THSD7A: variants seen among roughly 807,000 people sequenced by gnomAD.
The protein encoded by THSD7A is thrombospondin type-1 domain-containing protein 7A.
Under a neutral mutation model 231.3 loss-of-function variants are expected in THSD7A, and 96 were observed. The ratio of observed to expected loss-of-function variants is 0.41; its 90% CI spans 0.35 to 0.49. The LOEUF is 0.49. Among genes scored for constraint, THSD7A ranks in the 20% least tolerant of loss-of-function variants. THSD7A has a pLI of 0.05. For synonymous variants in THSD7A, 940 were observed against 743.3 expected, an observed-to-expected ratio of 1.26 and a Z score of -4.30; for missense variants, 2,290 against 2,070.2, an observed-to-expected ratio of 1.11 and a Z score of -2.06.
intron 1 of THSD7A, among the ~76,000 whole-genome samples, chr7:11,678,089 T>C (rs1452666666): frequency 1.3e-5 from 2 of 152,176 alleles, no homozygotes; most frequent in Non-Finnish European, 2.9e-5. Context: ...TGCTCCTGAA[T>C]GACTACTGGG....
intron 17 of THSD7A, among the ~76,000 whole-genome samples, chr7:11,415,425 A>G (rs1783928097): frequency 6.6e-6 from 1 of 152,226 alleles, no homozygotes; most frequent in African/African-American, 2.4e-5. Flanking sequence ...CTTTAGGTCT[A>G]CAGCCTAAGT....
intron 7 of THSD7A, among the ~76,000 whole-genome samples, chr7:11,475,846 T>C (rs1786148246): frequency 6.6e-6 from 1 of 150,914 alleles, no homozygotes. Flanking sequence ...ATCTATTCTC[T>C]GCTTGTATAA....
intron 6 of THSD7A, among the ~76,000 whole-genome samples, chr7:11,534,983 G>C (rs1371720620): frequency 6.6e-6 from 1 of 152,082 alleles, no homozygotes; most frequent in Non-Finnish European, 1.5e-5. Context: ...ATCTCTAAAA[G>C]GAAATAAAGA....
At position 11,720,241 on chromosome 7, in the gene THSD7A, C is replaced by A. The variant is rs528894859; in HGVS notation, c.191-83280G>T. ...CAAACCATTTCCACAAATCATTCCA[C>A]CTCCTGAACTTTATCCTCAGTATCT... On this transcript the variant is annotated intron_variant, in intron 1 of 27. Coordinates refer to ENST00000423059, the MANE Select transcript of THSD7A (RefSeq NM_015204.3). Among the ~76,000 whole-genome samples the A allele has an allele frequency of 1.0e-3, 154 of 151,928 alleles. 2 individuals carry two copies. The highest frequency in any genetic ancestry group is 4.6e-3 in the South Asian group (22 of 4,822).
Position 11,645,980 on chromosome 7 carries a change from T to G in THSD7A, c.191-9019A>C, listed in dbSNP as rs73044146. Among the ~76,000 whole-genome samples the G allele has an allele frequency of 1.3e-5, 2 of 152,022 alleles. 1 individual carries two copies. Among genetic ancestry groups the G allele is most frequent in the South Asian group, 4.1e-4 (2 of 4,830 alleles). On this transcript the variant is annotated intron_variant, in intron 1 of 27. Coordinates refer to ENST00000423059, the MANE Select transcript of THSD7A (RefSeq NM_015204.3). Reference sequence around the variant, plus strand: ...AGTTAGAGAGTTTATGGTGCTATAATGAAAAGTTCCCAATTTTTGAGTAAA... The same window carrying G: ...AGTTAGAGAGTTTATGGTGCTATAAGGAAAAGTTCCCAATTTTTGAGTAAA...
At chr7:11,662,304 C>T (rs1373117403) in intron 1 of THSD7A, among the ~76,000 whole-genome samples, 1 of 151,070 alleles carries the variant, frequency 6.6e-6, no homozygotes, top group Non-Finnish European at 1.5e-5. Context: ...ACATTTAATA[C>T]AGATTGGTAA....
intron 4 of THSD7A, among the ~76,000 whole-genome samples, chr7:11,559,371 G>C (rs1045610237): frequency 1.3e-5 from 2 of 152,056 alleles, no homozygotes; most frequent in African/African-American, 4.8e-5. Flanking sequence ...CAAGATAGAA[G>C]ACCTAAAATA....
chr7:11,647,906 C>A (rs989223599), intron 1 of THSD7A, among the ~76,000 whole-genome samples: 1 of 152,058 alleles, frequency 6.6e-6, no homozygotes, highest in Non-Finnish European at 1.5e-5. Flanking sequence ...AATGGCCAAT[C>A]TGAAGCAAGA....
chr7:11,706,532 T>C (rs1780771266), intron 1 of THSD7A, among the ~76,000 whole-genome samples: 1 of 150,570 alleles, frequency 6.6e-6, no homozygotes, highest in South Asian at 2.1e-4. Context: ...TTGTGGTCTT[T>C]AGTAACATCT....
chr7:11,779,457 A>T (rs1366710051), intron 1 of THSD7A, among the ~76,000 whole-genome samples: 3 of 152,174 alleles, frequency 2.0e-5, no homozygotes, highest in African/African-American at 7.2e-5. Context: ...TGTCTGACAT[A>T]TCAAGGTCAT....
At chr7:11,420,347 AC>A (rs1211415837) in intron 16 of THSD7A, among the ~76,000 whole-genome samples, 1 of 152,144 alleles carries the variant, frequency 6.6e-6, no homozygotes, top group Admixed American at 6.5e-5. Flanking sequence ...GCACCTTGCA[AC>A]CCAGTCTCTC....
At chr7:11,468,835 T>G (rs984976455) in intron 9 of THSD7A, among the ~76,000 whole-genome samples, 2 of 152,114 alleles carry the variant, frequency 1.3e-5, no homozygotes, top group African/African-American at 4.8e-5. Flanking sequence ...GACTCTATCT[T>G]AAAAATAAAA....
intron 1 of THSD7A, among the ~76,000 whole-genome samples, chr7:11,774,803 C>G (rs1000428150): frequency 2.0e-5 from 3 of 152,154 alleles, no homozygotes; most frequent in Non-Finnish European, 4.4e-5. Context: ...ACCTGTAATC[C>G]CGGCACTTTG....
At chr7:11,518,257 T>C (rs947205329) in intron 6 of THSD7A, among the ~76,000 whole-genome samples, 8 of 152,244 alleles carry the variant, frequency 5.3e-5, no homozygotes, top group Admixed American at 1.3e-4. Flanking sequence ...GCACCAGAGA[T>C]GCTACAATAG....
At position 11,460,761 on chromosome 7, in the gene THSD7A, T is replaced by C. The variant is rs764737460; in HGVS notation, c.2506A>G (p.Lys836Glu). The stretch of plus-strand genomic sequence containing the variant: ...TGGCATCTGCGCCATTTGTGAGTCT[T>C]CCACCTACAAGACAGGAACAGAAGC... ...APQACQSYRW[K>E]THKWRRCQLV... is the part of the protein sequence containing the mutation. Residue 836 changes from lysine (K) to glutamate (E), a missense_variant, in exon 11 of 28, where the codon AAG becomes GAG. Coordinates refer to ENST00000423059, the MANE Select transcript of THSD7A (RefSeq NM_015204.3). The C allele has an allele frequency of 1.2e-6, 2 of 1,611,070 alleles. No individual in the cohort carries two copies. The highest frequency in any genetic ancestry group is 1.7e-6 in the Non-Finnish European group (2 of 1,178,718).
In THSD7A at chr7:11,593,522, T is replaced by A; in HGVS notation, c.1023-20A>T. ...CAAAAGCTGTAAAAGAGCATTGATATTCTCATTACAGACTCACAGGCAGTT... is the reference window on the plus strand; with the variant it reads ...CAAAAGCTGTAAAAGAGCATTGATAATCTCATTACAGACTCACAGGCAGTT... On this transcript the variant is annotated intron_variant, in intron 2 of 27. Coordinates refer to ENST00000423059, the MANE Select transcript of THSD7A (RefSeq NM_015204.3). 1 of 1,610,460 alleles carries A rather than the reference T, an allele frequency of 6.2e-7. No individual in the cohort carries two copies. The highest frequency in any genetic ancestry group is 8.5e-7 in the Non-Finnish European group (1 of 1,177,222).
At chr7:11,821,640 T>C (rs116976058) in intron 1 of THSD7A, among the ~76,000 whole-genome samples, 58 of 152,320 alleles carry the variant, frequency 3.8e-4, no homozygotes, top group Non-Finnish European at 7.1e-4. Flanking sequence ...CAGTCTTGCA[T>C]AGCTTTTCCT....
At chr7:11,387,936 CA>C (rs1782825623) in intron 23 of THSD7A, among the ~76,000 whole-genome samples, 1 of 152,128 alleles carries the variant, frequency 6.6e-6, no homozygotes, top group South Asian at 2.1e-4. Context: ...TGAATTTTGA[CA>C]AAGGCCTTTT....
chr7:11,412,552 C>A, intron 18 of THSD7A, 104 bp downstream of exon 18: 8 of 1,349,844 alleles, frequency 5.9e-6, no homozygotes, highest in South Asian at 4.7e-5. Flanking sequence ...GCAGCATATC[C>A]AAAAGGCACA....
Sources: gnomAD v4.1 joint callset for allele counts (sites outside exome capture counted in the v4.1 genomes callset) on GRCh38, gnomAD v4.1.1 for gene constraint, MANE v1.5 for transcripts, NCBI Gene and HGNC (gene_info 2026-07-23, HGNC 2026-07-21) for gene names.